KIAA1671: variants seen among roughly 807,000 people sequenced by gnomAD.
KIAA1671 encodes the protein KIAA1671.
KIAA1671 carries 52 observed loss-of-function variants against 131.2 expected under a neutral mutation model. The observed-to-expected ratio is 0.40, with a 90% CI of 0.32 to 0.50. The LOEUF is 0.50. Among genes scored for constraint, KIAA1671 ranks in the 20% least tolerant of loss-of-function variants. KIAA1671 has a pLI of 0.73. For missense variants in KIAA1671, 2,360 were observed against 2,364.2 expected, an observed-to-expected ratio of 1.00 and a Z score of 0.04; for synonymous variants, 1,003 against 961.6, an observed-to-expected ratio of 1.04 and a Z score of -0.80.
At chr22:25,180,070 T>G (rs1434293796) in intron 9 of KIAA1671, among the ~76,000 whole-genome samples, 1 of 73,490 alleles carries the variant, frequency 1.4e-5, no homozygotes, top group East Asian at 6.2e-4. Context: ...TCTGGAGCCC[T>G]TGGGCTACCC....
At chr22:25,157,507 C>T (rs1207586494) in intron 6 of KIAA1671, among the ~76,000 whole-genome samples, 1 of 152,162 alleles carries the variant, frequency 6.6e-6, no homozygotes, top group Non-Finnish European at 1.5e-5. Flanking sequence ...TATAATTGTT[C>T]TATACTTTAG....
At chr22:24,987,274 C>G (rs1293911990) in intron 1 of KIAA1671, among the ~76,000 whole-genome samples, 3 of 151,350 alleles carry the variant, frequency 2.0e-5, no homozygotes, top group Non-Finnish European at 2.9e-5. Flanking sequence ...AGGTTCACGT[C>G]ATTCTCCTGT....
At position 25,165,011 on chromosome 22, in the gene KIAA1671, GTGTGTGTGTGTC is replaced by G. The variant is rs1251771052; in HGVS notation, c.4531-5804_4531-5793del. On this transcript the variant is annotated intron_variant, in intron 6 of 12. Transcript: ENST00000358431. ...TGTGTGTGTGTGTGTGTGTGTGTGT[GTGTGTGTGTGTC>G]TGTGGTTGATTTTGAGGCCTCGTAG... is the stretch of plus-strand genomic sequence containing the variant. Among the ~76,000 whole-genome samples, 10 of 146,612 alleles carry G rather than the reference GTGTGTGTGTGTC, an allele frequency of 6.8e-5. No individual in the cohort carries two copies. In the South Asian group the frequency reaches 2.1e-3, roughly 31 times the overall value.
chr22:25,157,624 AAATTTGTCTAT>A, intron 6 of KIAA1671, among the ~76,000 whole-genome samples: 3 of 152,196 alleles, frequency 2.0e-5, no homozygotes, highest in Admixed American at 2.0e-4. Context: ...AAAGAACATC[AAATTTGTCTAT>A]CTCCATGCAA....
chr22:25,152,695 T>C (rs1334432694), intron 6 of KIAA1671, among the ~76,000 whole-genome samples: 2 of 152,090 alleles, frequency 1.3e-5, no homozygotes, highest in Non-Finnish European at 2.9e-5. Context: ...CTCTACCTCC[T>C]GAGTTCAAGC....
intron 1 of KIAA1671, among the ~76,000 whole-genome samples, chr22:24,999,585 CG>C (rs1263915699): frequency 2.0e-5 from 3 of 146,416 alleles, no homozygotes; most frequent in Middle Eastern, 3.9e-3. Flanking sequence ...TTTTCTGAGA[CG>C]GAGTCTCACT....
In KIAA1671 at chr22:25,040,193, G is replaced by A. The variant is rs1926833870; in HGVS notation, c.3063G>A (p.Val1021=). 1.3e-6 allele frequency: 2 copies of A among 1,551,570 alleles called. No homozygotes were observed. The highest frequency in any genetic ancestry group is 1.7e-6 in the Non-Finnish European group (2 of 1,147,006). ...CAGCAGTGAAGCAAGGGTCACCTGT[G>A]GAACCCAAGGCGACATTTTTTGCAG... The part of the protein sequence containing the change: ...TSPAVKQGSP[V]EPKATFFAVT... Residue 1021 remains valine (V), a synonymous_variant, in exon 5 of 13, where the codon GTG becomes GTA. Coordinates refer to ENST00000358431, the MANE Select transcript of KIAA1671 (RefSeq NM_001145206.2).
At chr22:25,071,843 A>G (rs1928847536) in intron 6 of KIAA1671, among the ~76,000 whole-genome samples, 1 of 152,230 alleles carries the variant, frequency 6.6e-6, no homozygotes, top group Admixed American at 6.5e-5. Flanking sequence ...TACTTGGAAT[A>G]TAGGAGCAAG....
At chr22:25,037,807 C>T (rs1926696544) in intron 4 of KIAA1671, among the ~76,000 whole-genome samples, 1 of 152,016 alleles carries the variant, frequency 6.6e-6, no homozygotes, top group Admixed American at 6.6e-5. Flanking sequence ...CAAAATTCAT[C>T]CACGGTGTAG....
chr22:25,048,571 G>A (rs1927365315), intron 5 of KIAA1671, among the ~76,000 whole-genome samples: 1 of 152,142 alleles, frequency 6.6e-6, no homozygotes, highest in Admixed American at 6.5e-5. Context: ...CCTTGTCCAC[G>A]CAGGGAGAGT....
At chr22:24,967,466 C>T (rs1019889246) in intron 1 of KIAA1671, among the ~76,000 whole-genome samples, 3 of 152,204 alleles carry the variant, frequency 2.0e-5, no homozygotes, top group Non-Finnish European at 4.4e-5. Flanking sequence ...GCTGTGTGTC[C>T]TTTCTTCTCT....
intron 6 of KIAA1671, among the ~76,000 whole-genome samples, chr22:25,107,592 A>AGCC (rs894881010): frequency 1.4e-5 from 2 of 144,790 alleles, no homozygotes; most frequent in African/African-American, 5.2e-5. Context: ...CTTCTACCTT[A>AGCC]GCCTCCAGAG....
intron 6 of KIAA1671, among the ~76,000 whole-genome samples, chr22:25,122,525 C>T (rs1418539392): frequency 1.3e-5 from 2 of 152,318 alleles, no homozygotes; most frequent in South Asian, 2.1e-4. Context: ...GATAGCCCTG[C>T]TCTGCTGGGG....
At position 25,172,030 on chromosome 22, in the gene KIAA1671, GGAAAGCAAAGGTTTTTTACAGTGCCCGA is replaced by G. The variant is rs573050166; in HGVS notation, c.4649+1099_4649+1126del. 1.3e-3 allele frequency among the ~76,000 whole-genome samples: 192 copies of G among 152,290 alleles called. 3 individuals carry two copies. In the South Asian group the frequency reaches 0.031, roughly 25 times the overall value. Reference sequence around the variant, plus strand: ...TGAAAATGGATAAGAAAAAGTAAAAGGAAAGCAAAGGTTTTTTACAGTGCCCGAGAAAGCTGTTTTTCCCACTGACCCA... The same window carrying G: ...TGAAAATGGATAAGAAAAAGTAAAAGGAAAGCTGTTTTTCCCACTGACCCA... On this transcript the variant is annotated intron_variant, in intron 7 of 12. Coordinates refer to ENST00000358431, the MANE Select transcript of KIAA1671 (RefSeq NM_001145206.2).
intron 10 of KIAA1671, among the ~76,000 whole-genome samples, chr22:25,182,224 T>G (rs1179249686): frequency 6.6e-6 from 1 of 151,516 alleles, no homozygotes; most frequent in Non-Finnish European, 1.5e-5. Context: ...CCGTCCTTCC[T>G]TCCTTTCTTC....
chr22:25,164,612 A>G (rs16979683), intron 6 of KIAA1671, among the ~76,000 whole-genome samples: 2 of 152,048 alleles, frequency 1.3e-5, no homozygotes, highest in African/African-American at 2.4e-5. Context: ...GAGTTGGAAG[A>G]ATATCCTGCC....
Position 25,032,593 on chromosome 22 carries a change from C to T in KIAA1671, c.1542-16C>T. 6.6e-7 allele frequency: 1 copy of T among 1,518,284 alleles called. No homozygotes were observed. Among genetic ancestry groups the T allele is most frequent in the Non-Finnish European group, 8.9e-7 (1 of 1,118,268 alleles). The allele number at this position is 1,518,284 out of a possible 1,614,324, so 94.1% of individuals were successfully genotyped here. On this transcript the variant is annotated splice_polypyrimidine_tract_variant and intron_variant, in intron 3 of 12. Transcript: ENST00000358431. The stretch of plus-strand genomic sequence containing the variant: ...AGCTTCCAGCTCCATGAAGGTAACT[C>T]AGATCTCTGTACCAGGTTTTCAAGT...
intron 6 of KIAA1671, among the ~76,000 whole-genome samples, chr22:25,069,719 G>T (rs1928705086): frequency 6.6e-6 from 1 of 152,176 alleles, no homozygotes; most frequent in South Asian, 2.1e-4. Context: ...GAACATGACT[G>T]ACATCAAAGG....
chr22:25,175,891 G>A (rs1240946670), intron 8 of KIAA1671: 1 of 152,244 alleles, frequency 6.6e-6, no homozygotes, highest in Non-Finnish European at 1.5e-5. Context: ...TGCCCACCAC[G>A]ATTTGGGTCT....
Sources: allele counts gnomAD v4.1 joint callset (sites outside exome capture counted in the v4.1 genomes callset), GRCh38; gene constraint gnomAD v4.1.1; transcripts MANE v1.5; gene names NCBI Gene and HGNC (gene_info 2026-07-23, HGNC 2026-07-21).